Variants in PID1 observed in about 807,000 individuals in gnomAD.
PID1 encodes the protein PTB-containing, cubilin and LRP1-interacting protein.
A neutral mutation model predicts 19.1 loss-of-function variants in PID1; 10 were observed. The observed-to-expected ratio is 0.52, with a 90% CI of 0.32 to 0.89. The LOEUF is 0.89. PID1 is among the 40% of genes least tolerant of loss of function. The pLI is 0.03. For synonymous variants in PID1, 130 were observed against 116.0 expected (o/e 1.12, Z -0.78); for missense variants, 248 against 285.3 (o/e 0.87, Z 0.94).
chr2:229,065,712 C>CAAA (rs71988256), intron 2 of PID1, among the ~76,000 whole-genome samples: 27,765 of 103,844 alleles, frequency 0.27, 5,211 homozygotes, highest in East Asian at 0.54. Flanking sequence ...TTGTGATTTA[C>CAAA]AAAAAAAAAA....
chr2:229,260,957 C>T (rs770405706), intron 1 of PID1, among the ~76,000 whole-genome samples: 1 of 151,748 alleles, frequency 6.6e-6, no homozygotes. Context: ...AATCCTAACC[C>T]GTAGTACCTC....
At chr2:229,235,455 C>T (rs1453191541) in intron 1 of PID1, among the ~76,000 whole-genome samples, 4 of 151,722 alleles carry the variant, frequency 2.6e-5, no homozygotes, top group African/African-American at 7.3e-5. Context: ...CACAAGAGAG[C>T]GAATGGTAAC....
intron 1 of PID1, among the ~76,000 whole-genome samples, chr2:229,221,037 C>T (rs985214951): frequency 6.6e-6 from 1 of 152,150 alleles, no homozygotes. Context: ...TGTAGACTTG[C>T]CCCCTTGTAT....
intron 1 of PID1, among the ~76,000 whole-genome samples, chr2:229,180,014 G>A (rs1690905977): frequency 6.6e-6 from 1 of 152,190 alleles, no homozygotes; most frequent in African/African-American, 2.4e-5. Flanking sequence ...CCAAGTCAAA[G>A]GGACTGGCTA....
chr2:229,170,919 T>G (rs563792929), intron 1 of PID1, among the ~76,000 whole-genome samples: 260 of 152,286 alleles, frequency 1.7e-3, no homozygotes, highest in African/African-American at 6.0e-3. Flanking sequence ...TTCAAAAGAA[T>G]GAAAGAAGTC....
At chr2:229,113,690 G>T (rs1263552079) in intron 2 of PID1, among the ~76,000 whole-genome samples, 1 of 151,262 alleles carries the variant, frequency 6.6e-6, no homozygotes, top group East Asian at 2.0e-4. Context: ...TAACCTGAGG[G>T]TAATAATGGG....
chr2:229,154,501 G>A (rs556649055), intron 2 of PID1, among the ~76,000 whole-genome samples: 9 of 152,260 alleles, frequency 5.9e-5, no homozygotes, highest in African/African-American at 2.2e-4. Context: ...ATCCCACAAA[G>A]ATGCTGGTGG....
chr2:229,093,061 G>T (rs1044655461), intron 2 of PID1, among the ~76,000 whole-genome samples: 1 of 151,336 alleles, frequency 6.6e-6, no homozygotes, highest in Non-Finnish European at 1.5e-5. Context: ...GTGATGTTCG[G>T]TCTCCCACTG....
At chr2:229,233,338 C>G (rs1226580121) in intron 1 of PID1, among the ~76,000 whole-genome samples, 3 of 151,818 alleles carry the variant, frequency 2.0e-5, no homozygotes, top group African/African-American at 7.3e-5. Flanking sequence ...TAAAGGCCAG[C>G]TGGCATGTCA....
At chr2:229,162,129 C>T (rs761189419) in intron 1 of PID1, among the ~76,000 whole-genome samples, 14 of 152,188 alleles carry the variant, frequency 9.2e-5, no homozygotes, top group Middle Eastern at 3.2e-3. Context: ...TAGGGCACTG[C>T]CCTGGACAAA....
chr2:229,160,344 A>C (rs1206670299), intron 1 of PID1, among the ~76,000 whole-genome samples: 1 of 149,648 alleles, frequency 6.7e-6, no homozygotes, highest in Non-Finnish European at 1.5e-5. Context: ...AGTGAAATAA[A>C]TACACAGATA....
chr2:229,032,141 T>C (rs527340964), intron 2 of PID1, among the ~76,000 whole-genome samples: 83 of 152,298 alleles, frequency 5.4e-4, no homozygotes, highest in Middle Eastern at 3.4e-3. Flanking sequence ...CCCATCTCAA[T>C]AAACAGAAAC....
At chr2:229,198,322 C>T (rs1691421355) in intron 1 of PID1, among the ~76,000 whole-genome samples, 1 of 152,042 alleles carries the variant, frequency 6.6e-6, no homozygotes, top group Non-Finnish European at 1.5e-5. Context: ...AACATCTACC[C>T]TCAGAAGCAG....
chr2:229,111,465 G>A (rs1398132307), intron 2 of PID1, among the ~76,000 whole-genome samples: 4 of 152,090 alleles, frequency 2.6e-5, no homozygotes, highest in African/African-American at 4.8e-5. Flanking sequence ...TTGTTCTGAC[G>A]CAAAAATCTA....
intron 2 of PID1, among the ~76,000 whole-genome samples, chr2:229,140,842 C>A (rs187471129): frequency 6.6e-6 from 1 of 151,866 alleles, no homozygotes; most frequent in South Asian, 2.1e-4. Context: ...ACTATTACAG[C>A]GATTTAGCCT....
At position 229,078,307 on chromosome 2, in the gene PID1, T is replaced by C. The variant is rs12271415; in HGVS notation, c.178-52199A>G. On this transcript the variant is annotated intron_variant, in intron 2 of 2. Transcript: ENST00000392055. ...TTAAGGGGCTTTTTGGCTGACACAATAGGGTTTTCTAAATATACAATCATG... is the reference window on the plus strand; with the variant it reads ...TTAAGGGGCTTTTTGGCTGACACAACAGGGTTTTCTAAATATACAATCATG... Among the ~76,000 whole-genome samples, 7 of 152,294 alleles carry C rather than the reference T, an allele frequency of 4.6e-5. No homozygotes were observed. The South Asian group carries it at 1.5e-3, about 32-fold the overall frequency.
At chr2:229,206,027 CAATT>C (rs958653136) in intron 1 of PID1, among the ~76,000 whole-genome samples, 2 of 152,074 alleles carry the variant, frequency 1.3e-5, no homozygotes, top group African/African-American at 4.8e-5. Context: ...GCTTACACAC[CAATT>C]ACTGTCTCAT....
intron 2 of PID1, among the ~76,000 whole-genome samples, chr2:229,143,048 G>C (rs1240503336): frequency 3.6e-4 from 49 of 136,732 alleles, no homozygotes; most frequent in African/African-American, 1.4e-3. Context: ...CCTTTGTAGG[G>C]ACATGGATGA....
At chr2:229,056,463 T>C (rs961886492) in intron 2 of PID1, among the ~76,000 whole-genome samples, 7 of 152,154 alleles carry the variant, frequency 4.6e-5, no homozygotes, top group Admixed American at 6.5e-5. Flanking sequence ...TATGATTAAG[T>C]CATCTGTCTT....
Sources: allele counts gnomAD v4.1 joint callset (sites outside exome capture counted in the v4.1 genomes callset), GRCh38; gene constraint gnomAD v4.1.1; transcripts MANE v1.5; gene names NCBI Gene and HGNC (gene_info 2026-07-23, HGNC 2026-07-21).